RTL4: variants seen among roughly 807,000 people sequenced by gnomAD.
The protein encoded by RTL4 is retrotransposon Gag like 4.
A neutral mutation model predicts 5.3 loss-of-function variants in RTL4; 4 were observed. The observed-to-expected ratio is 0.75, with a 90% CI of 0.37 to 1.72. RTL4 has a LOEUF of 1.72. Ranked by LOEUF, RTL4 falls within the 40% of genes most tolerant of loss-of-function variation. RTL4 has a pLI of 0.04. For synonymous variants in RTL4, 98 were observed against 87.3 expected (o/e 1.12, Z -0.68); for missense variants, 260 against 227.1 (o/e 1.14, Z -0.93).
At chrX:112,090,994 T>G in the RTL4 span, among the ~76,000 whole-genome samples, 1 of 111,186 alleles carries the variant, frequency 9.0e-6, no homozygotes, top group African/African-American at 3.3e-5. Context: ...TTTGTGTGTT[T>G]TTAGTAATTT....
chrX:112,203,156 T>A, the RTL4 span, among the ~76,000 whole-genome samples: 1 of 111,054 alleles, frequency 9.0e-6, no homozygotes, highest in Non-Finnish European at 1.9e-5. Context: ...TAAATACTAG[T>A]CCTTTGTTGA....
chrX:112,218,787 A>C, the RTL4 span, among the ~76,000 whole-genome samples: 1 of 112,262 alleles, frequency 8.9e-6, no homozygotes, highest in Admixed American at 9.5e-5. Context: ...AGCTACCACC[A>C]TGTAGACAAA....
chrX:112,302,409 A>G, the RTL4 span, among the ~76,000 whole-genome samples: 1 of 111,742 alleles, frequency 8.9e-6, no homozygotes, highest in African/African-American at 3.3e-5. Context: ...ATGGGGAACT[A>G]TCTACAACAT....
chrX:112,215,400 C>A, the RTL4 span, among the ~76,000 whole-genome samples: 1 of 111,786 alleles, frequency 8.9e-6, no homozygotes. Context: ...TTGAGAAATG[C>A]CTATTCAGTT....
At chrX:112,217,406 C>T in the RTL4 span, among the ~76,000 whole-genome samples, 580 of 111,760 alleles carry the variant, frequency 5.2e-3, 2 homozygotes, top group African/African-American at 0.015. Context: ...CTAGCAACTT[C>T]TTTTCTTTTC....
chrX:112,240,681 T>C, the RTL4 span, among the ~76,000 whole-genome samples: 1 of 111,675 alleles, frequency 9.0e-6, no homozygotes, highest in Non-Finnish European at 1.9e-5. Flanking sequence ...TATTTATTTA[T>C]TTATTTTATT....
At chrX:112,093,643 A>G in the RTL4 span, among the ~76,000 whole-genome samples, 1 of 112,246 alleles carries the variant, frequency 8.9e-6, no homozygotes, top group African/African-American at 3.2e-5. Flanking sequence ...TAAACAATAA[A>G]TTAGTAATTT....
the RTL4 span, among the ~76,000 whole-genome samples, chrX:112,350,182 G>A: frequency 2.9e-4 from 32 of 111,120 alleles, no homozygotes; most frequent in African/African-American, 9.2e-4. Flanking sequence ...ATTTGCGTAT[G>A]TTGAACCAGC....
the RTL4 span, among the ~76,000 whole-genome samples, chrX:112,352,465 A>T: frequency 8.1e-5 from 9 of 111,598 alleles, no homozygotes; most frequent in East Asian, 2.6e-3. Context: ...ACAGGATGGT[A>T]CTGGTACCAA....
chrX:112,249,689 G>T, the RTL4 span, among the ~76,000 whole-genome samples: 2 of 108,402 alleles, frequency 1.8e-5, no homozygotes, highest in Non-Finnish European at 3.8e-5. Context: ...TTCAGATTAG[G>T]ACTGAAACAA....
At chrX:112,177,593 G>GGAC in the RTL4 span, among the ~76,000 whole-genome samples, 4 of 107,280 alleles carry the variant, frequency 3.7e-5, no homozygotes, top group Non-Finnish European at 7.7e-5. Flanking sequence ...ATCCCTTGTT[G>GGAC]GACGGGTAGT....
the RTL4 span, among the ~76,000 whole-genome samples, chrX:112,110,188 C>G: frequency 8.9e-6 from 1 of 111,946 alleles, no homozygotes; most frequent in Non-Finnish European, 1.9e-5. Context: ...CTATCCCTGA[C>G]TGGTTAGTGT....
At chrX:112,224,852 A>C in the RTL4 span, among the ~76,000 whole-genome samples, 1 of 111,446 alleles carries the variant, frequency 9.0e-6, no homozygotes, top group Non-Finnish European at 1.9e-5. Context: ...AGGTGGACAC[A>C]CTCTAACTCA....
chrX:112,207,304 C>CTA, the RTL4 span, among the ~76,000 whole-genome samples: 1 of 111,513 alleles, frequency 9.0e-6, no homozygotes, highest in Non-Finnish European at 1.9e-5. Flanking sequence ...CATCTCATCC[C>CTA]TAGCATCACC....
At chrX:112,084,378 C>A in the RTL4 span, among the ~76,000 whole-genome samples, 1 of 109,334 alleles carries the variant, frequency 9.1e-6, no homozygotes, top group Non-Finnish European at 1.9e-5. Context: ...AAATTATTAC[C>A]CTGGGGGATG....
the RTL4 span, among the ~76,000 whole-genome samples, chrX:112,391,857 G>C: frequency 9.0e-6 from 1 of 111,371 alleles, no homozygotes; most frequent in African/African-American, 3.3e-5. Context: ...GAAGAGAAAG[G>C]GACATCAGTA....
chrX:112,136,375 T>C, the RTL4 span, among the ~76,000 whole-genome samples: 1 of 111,869 alleles, frequency 8.9e-6, no homozygotes, highest in Non-Finnish European at 1.9e-5. Flanking sequence ...GGAATAGCAG[T>C]GGTGAGAGTG....
At chrX:112,369,382 T>C in the RTL4 span, among the ~76,000 whole-genome samples, 8 of 111,643 alleles carry the variant, frequency 7.2e-5, no homozygotes, top group South Asian at 3.0e-3. Context: ...TCCAAGGGCT[T>C]CCAAATAGTA....
At chrX:112,265,281 G>A in the RTL4 span, among the ~76,000 whole-genome samples, 3 of 112,709 alleles carry the variant, frequency 2.7e-5, no homozygotes, top group African/African-American at 9.6e-5. Context: ...GGTTCTCTAA[G>A]GATCCAGTTT....
Sources: allele counts gnomAD v4.1 joint callset (sites outside exome capture counted in the v4.1 genomes callset), GRCh38; gene constraint gnomAD v4.1.1; transcripts MANE v1.5; gene names NCBI Gene and HGNC (gene_info 2026-07-23, HGNC 2026-07-21).